The following GREB1 variants were observed in gnomAD, a reference collection of about 807,000 sequenced individuals.
GREB1 encodes protein GREB1.
In GREB1, 106 loss-of-function variants were observed where a neutral mutation model predicts 200.7. The observed-to-expected ratio is 0.53, with a 90% CI of 0.45 to 0.62. The LOEUF (loss-of-function observed/expected upper bound fraction) is 0.62, where lower values mean the gene tolerates loss of function less well. GREB1 is among the 20% of genes least tolerant of loss of function. The pLI is 0.00. For synonymous variants in GREB1, 1,132 were observed against 1,092.4 expected (o/e 1.04, Z -0.72); for missense variants, 2,243 against 2,556.8 (o/e 0.88, Z 2.65).
At chr2:11,595,163 C>G (rs1681096200) in intron 11 of GREB1, 88 bp from the exon 12 acceptor site, 1 of 1,219,036 alleles carries the variant, frequency 8.2e-7, no homozygotes, top group African/African-American at 1.5e-5. Context: ...AATGTCAAGT[C>G]TAGAAGGGTT....
At chr2:11,533,925 A>G (rs993641391), upstream of GREB1, among the ~76,000 whole-genome samples, 3 of 152,252 alleles carry the variant, frequency 2.0e-5, no homozygotes, top group Non-Finnish European at 4.4e-5. Context: ...ATTGGGCAAT[A>G]AAAACCGCAG....
intron 3 of GREB1, chr2:11,562,788 C>A: frequency 2.1e-6 from 1 of 467,626 alleles, no homozygotes; most frequent in Non-Finnish European, 3.7e-6. Context: ...TCCAGAGACA[C>A]CATCCTGGGA....
chr2:11,571,737 G>A (rs149407229), intron 4 of GREB1, among the ~76,000 whole-genome samples: 5,182 of 151,838 alleles, frequency 0.034, 213 homozygotes, highest in East Asian at 0.17. Flanking sequence ...TTGAGACGGA[G>A]TCTCGCTCTG....
At chr2:11,624,380 T>C (rs1684264831) in intron 23 of GREB1, among the ~76,000 whole-genome samples, 2 of 151,054 alleles carry the variant, frequency 1.3e-5, no homozygotes, top group African/African-American at 4.9e-5. Context: ...GTTTTGTGCT[T>C]GTCACCCAGG....
intron 1 of GREB1, among the ~76,000 whole-genome samples, chr2:11,550,752 C>G (rs1190525817): frequency 6.6e-6 from 1 of 152,192 alleles, no homozygotes; most frequent in Non-Finnish European, 1.5e-5. Context: ...GTTGGCATAT[C>G]TTGTCTGCCG....
chr2:11,518,063 T>TA (rs1673571331), intron 1 of GREB1, among the ~76,000 whole-genome samples: 3 of 152,222 alleles, frequency 2.0e-5, no homozygotes, highest in African/African-American at 7.2e-5. Flanking sequence ...AATTTAGTGC[T>TA]ATTCCTCAAG....
intron 22 of GREB1, 72 bp from the exon 23 acceptor site, chr2:11,620,833 A>G: frequency 3.7e-6 from 3 of 820,072 alleles, no homozygotes; most frequent in Middle Eastern, 2.3e-4. Flanking sequence ...GAGCCATGCC[A>G]GGTGTTCAGC....
At chr2:11,590,143 G>T (rs1680582739) in intron 10 of GREB1, among the ~76,000 whole-genome samples, 1 of 152,088 alleles carries the variant, frequency 6.6e-6, no homozygotes, top group African/African-American at 2.4e-5. Flanking sequence ...AGGAAGGAAA[G>T]GACAGTGGAG....
chr2:11,638,058 G>A (rs33962728), intron 31 of GREB1, 142 bp downstream of exon 31: 168,596 of 716,670 alleles, frequency 0.24, 20,795 homozygotes, highest in South Asian at 0.25. Context: ...TTGCCATTCA[G>A]CTGAGAGAAC....
Position 11,613,989 on chromosome 2 carries a change from A to T in GREB1, c.3123-1102A>T, listed in dbSNP as rs116474036. ...GGGGTTGGCCTTTCCTCTGCTGCTC[A>T]CAGATAGCATTGCTTGTTGGTGTCC... On this transcript the variant is annotated intron_variant, in intron 19 of 32. Transcript: ENST00000381486. 8.1e-3 allele frequency among the ~76,000 whole-genome samples: 1,237 copies of T among 152,250 alleles called. 22 individuals carry two copies. Among genetic ancestry groups the T allele is most frequent in the African/African-American group, 0.028 (1,165 of 41,538 alleles).
intron 1 of GREB1, among the ~76,000 whole-genome samples, chr2:11,486,550 A>G (rs1672660272): frequency 6.6e-6 from 1 of 152,008 alleles, no homozygotes; most frequent in Non-Finnish European, 1.5e-5. Context: ...AATACAGAAG[A>G]GTTAAAAAAA....
intron 1 of GREB1, among the ~76,000 whole-genome samples, chr2:11,485,259 T>TTATTTTATTATATA (rs1368326346): frequency 8.1e-6 from 1 of 124,194 alleles, no homozygotes; most frequent in African/African-American, 3.3e-5. Context: ...TTATTTTATT[T>TTATTTTATTATATA]TATATATATA....
At chr2:11,522,940 A>G (rs1054056804) in intron 1 of GREB1, among the ~76,000 whole-genome samples, 2 of 152,224 alleles carry the variant, frequency 1.3e-5, no homozygotes, top group Admixed American at 6.5e-5. Context: ...TTCTTGCAGC[A>G]CTATTCACAA....
Position 11,576,352 on chromosome 2 carries a change from G to C in GREB1, c.455-1G>C. 6.2e-7 allele frequency: 1 copy of C among 1,604,174 alleles called. No homozygotes were observed. Among genetic ancestry groups the C allele is most frequent in the Non-Finnish European group, 8.5e-7 (1 of 1,176,470 alleles). Reference sequence around the variant, plus strand: ...TGTTTATGGTTTACTTCCTTCTCCAGGTTTCTCTGGGAATTGTGTTGGCTG... The same window carrying C: ...TGTTTATGGTTTACTTCCTTCTCCACGTTTCTCTGGGAATTGTGTTGGCTG... On this transcript the variant is annotated splice_acceptor_variant, in intron 4 of 32. Coordinates refer to ENST00000381486, the MANE Select transcript of GREB1 (RefSeq NM_014668.4). LOFTEE classifies it high-confidence loss of function.
At chr2:11,510,411 C>T (rs1673316560) in intron 1 of GREB1, among the ~76,000 whole-genome samples, 1 of 152,218 alleles carries the variant, frequency 6.6e-6, no homozygotes, top group Admixed American at 6.5e-5. Context: ...TTGCCAGTCA[C>T]TGCTAAGATC....
At chr2:11,533,339 A>C (rs962422196), upstream of GREB1, among the ~76,000 whole-genome samples, 2 of 152,226 alleles carry the variant, frequency 1.3e-5, no homozygotes, top group East Asian at 3.8e-4. Flanking sequence ...CAGCCACAGT[A>C]CTAAATACTC....
chr2:11,554,631 T>C (rs1676255868), intron 1 of GREB1, among the ~76,000 whole-genome samples: 2 of 152,230 alleles, frequency 1.3e-5, no homozygotes. Flanking sequence ...GTCATTTCAG[T>C]GCAGGCATCT....
At chr2:11,569,853 G>C (rs1447476252) in intron 4 of GREB1, among the ~76,000 whole-genome samples, 1 of 152,168 alleles carries the variant, frequency 6.6e-6, no homozygotes, top group African/African-American at 2.4e-5. Context: ...AGTGCTCTGT[G>C]GCTGGAGCGG....
chr2:11,555,501 T>C (rs55816844), intron 1 of GREB1, among the ~76,000 whole-genome samples: 5,767 of 152,310 alleles, frequency 0.038, 230 homozygotes, highest in African/African-American at 0.092. Context: ...CCTTCCCATC[T>C]GCAAGTTCTG....
Sources: allele counts gnomAD v4.1 joint callset (sites outside exome capture counted in the v4.1 genomes callset), GRCh38; gene constraint gnomAD v4.1.1; transcripts MANE v1.5; gene names NCBI Gene and HGNC (gene_info 2026-07-23, HGNC 2026-07-21).